The following ARHGAP9 variants were observed in gnomAD, a reference collection of about 807,000 sequenced individuals.
ARHGAP9 encodes the protein Rho GTPase activating protein 9, also known as rho GTPase-activating protein 9.
ARHGAP9 carries 76 observed loss-of-function variants against 87.3 expected under a neutral mutation model. The ratio of observed to expected loss-of-function variants is 0.87; its 90% CI spans 0.72 to 1.05. ARHGAP9 has a LOEUF of 1.05. Ranked by LOEUF, ARHGAP9 falls within the 50% of genes least tolerant of loss-of-function variation. The pLI, the probability that ARHGAP9 is intolerant of heterozygous loss-of-function variation, is 0.00. For missense variants in ARHGAP9, 941 were observed against 960.5 expected, an observed-to-expected ratio of 0.98 and a Z score of 0.27; for synonymous variants, 382 against 394.9, an observed-to-expected ratio of 0.97 and a Z score of 0.39.
chr12:57,488,655 T>C, exon 1 of ARHGAP9: 1 of 1,550,570 alleles, frequency 6.4e-7, no homozygotes, highest in Non-Finnish European at 8.7e-7. Context: ...TCTTAGGAGG[T>C]TCTCTTGTAA....
intron 6 of ARHGAP9, 75 bp from the exon 7 acceptor site, chr12:57,476,726 TC>T: frequency 6.3e-7 from 1 of 1,591,214 alleles, no homozygotes; most frequent in Non-Finnish European, 8.6e-7. Context: ...CTAGGGGGTC[TC>T]CCAGGAGTGA....
At chr12:57,482,780 G>A (rs1294700589), upstream of ARHGAP9, among the ~76,000 whole-genome samples, 1 of 152,006 alleles carries the variant, frequency 6.6e-6, no homozygotes, top group East Asian at 1.9e-4. Flanking sequence ...GGAACTATGT[G>A]CTAGGCATTG....
chr12:57,480,641 G>T, upstream of ARHGAP9: 1 of 813,526 alleles, frequency 1.2e-6, no homozygotes, highest in Non-Finnish European at 2.0e-6. Context: ...ATTGAATCAG[G>T]AACAATGGAC....
At chr12:57,480,494 T>C (rs1874902827), upstream of ARHGAP9, among the ~76,000 whole-genome samples, 1 of 152,136 alleles carries the variant, frequency 6.6e-6, no homozygotes, top group Admixed American at 6.6e-5. Context: ...ATTTATGCTT[T>C]TATCAAGGAT....
Position 57,477,069 on chromosome 12 carries a change from G to A in ARHGAP9, c.870+87C>T, listed in dbSNP as rs770510266. The stretch of plus-strand genomic sequence containing the variant: ...ACGGGTGAGAGGTGGGGGGTGTGGT[G>A]GGGAATGGAGAATGTCTTACACAAA... On this transcript the variant is annotated intron_variant, in intron 5 of 17. Coordinates refer to ENST00000393791, the MANE Select transcript of ARHGAP9 (RefSeq NM_032496.4). 1.2e-5 allele frequency: 19 copies of A among 1,523,354 alleles called. 1 individual carries two copies. Among genetic ancestry groups the A allele is most frequent in the Admixed American group, 1.7e-5 (1 of 58,862 alleles). The allele number at this position is 1,523,354 out of a possible 1,614,324, so 94.4% of individuals were successfully genotyped here.
intron 3 of ARHGAP9, 74 bp downstream of exon 3, chr12:57,478,466 G>C: frequency 1.4e-6 from 2 of 1,428,444 alleles, no homozygotes; most frequent in South Asian, 1.2e-5. Context: ...ATCCCCAGGG[G>C]AGTCCCCTGA....
upstream of ARHGAP9, chr12:57,484,101 C>T (rs1412312184): frequency 4.7e-6 from 1 of 214,276 alleles, no homozygotes; most frequent in Non-Finnish European, 9.7e-6. Context: ...ACCTGTAATC[C>T]CAGCGCTTTG....
chr12:57,484,939 C>A (rs1875286996), intron 1 of ARHGAP9, among the ~76,000 whole-genome samples: 2 of 151,330 alleles, frequency 1.3e-5, no homozygotes, highest in South Asian at 4.2e-4. Flanking sequence ...AGCCACTGCG[C>A]CCAGCGTATT....
In ARHGAP9 at chr12:57,476,137, G is replaced by A; in HGVS notation, c.1146C>T (p.Ser382=). The change falls in exon 9 of 18, where the codon AGC becomes AGT. Residue 382 remains serine (S), a synonymous_variant. Transcript: ENST00000393791. The stretch of plus-strand genomic sequence containing the variant: ...CCAGGGCCGCCCCGCGCAGGTCCAC[G>A]CTACTTTCGGGCCGGCTACCCGCTG... ...WGPAGSRPES[S]VDLRGAALAH... 2 of 1,543,116 alleles carry A rather than the reference G, an allele frequency of 1.3e-6. No homozygotes were observed. The highest frequency in any genetic ancestry group is 1.2e-5 in the South Asian group (1 of 83,584).
At position 57,475,345 on chromosome 12, in the gene ARHGAP9, G is replaced by A. The variant is rs1465153855; in HGVS notation, c.1498C>T (p.Leu500Phe). Residue 500 changes from leucine (L) to phenylalanine (F), a missense_variant, in exon 12 of 18, where the codon CTC (leucine) becomes TTC (phenylalanine). Transcript: ENST00000393791. Reference sequence around the variant, plus strand: ...TGTAAGGGCGGTCTCTTCGCGATGAGCCGCTTTAGTTTGTTGCGCACGCGG... The same window carrying A: ...TGTAAGGGCGGTCTCTTCGCGATGAACCGCTTTAGTTTGTTGCGCACGCGG... ...QNRVRNKLKR[L>F]IAKRPPLQSL... 1.2e-6 allele frequency: 2 copies of A among 1,603,594 alleles called. No homozygotes were observed. Among genetic ancestry groups the A allele is most frequent in the Admixed American group, 1.7e-5 (1 of 58,658 alleles).
rs509941 is a variant in ARHGAP9, at chr12:57,476,594, G to C, written c.1021C>G (p.Leu341Val). Residue 341 changes from leucine (L) to valine (V), a missense_variant, in exon 7 of 18, where the codon CTC becomes GTC. By Grantham distance (32) the Leu-to-Val change is conservative. Transcript: ENST00000393791. ...MTKIAQGGRK[L>V]RKNWGPSWVV... is the part of the protein sequence containing the mutation. ...AGCTGTATTCTGGGTTCTCACCTGA[G>C]CTTGCGCCCCCCTTGGGCAATCTTG... The C allele has an allele frequency of 2.5e-6, 4 of 1,614,094 alleles. No individual in the cohort carries two copies. In the African/African-American group the frequency reaches 4.0e-5, roughly 16 times the overall value.
upstream of ARHGAP9, chr12:57,483,776 A>T (rs938986523): frequency 2.7e-6 from 1 of 371,704 alleles, no homozygotes; most frequent in African/African-American, 2.1e-5. Flanking sequence ...GTGATGGCTC[A>T]CACCTGTAAA....
intron 12 of ARHGAP9, 80 bp from the exon 13 acceptor site, chr12:57,475,053 A>T: frequency 6.9e-7 from 1 of 1,449,062 alleles, no homozygotes; most frequent in African/African-American, 1.4e-5. Flanking sequence ...TTTATCCTTA[A>T]GTGAGGCTGG....
At chr12:57,474,783 G>A (rs1286791892) in intron 13 of ARHGAP9, 80 bp from the exon 14 acceptor site, 1 of 1,605,736 alleles carries the variant, frequency 6.2e-7, no homozygotes, top group East Asian at 2.2e-5. Flanking sequence ...GAGAGAAAAA[G>A]GGCAGTAGGA....
Position 57,477,214 on chromosome 12 carries a change from T to G in ARHGAP9, c.812A>C (p.Gln271Pro). The G allele has an allele frequency of 1.2e-6, 2 of 1,606,776 alleles. No homozygotes were observed. Among genetic ancestry groups the G allele is most frequent in the East Asian group, 2.2e-5 (1 of 44,830 alleles). Residue 271 changes from glutamine (Q) to proline (P), a missense_variant, in exon 5 of 18, where the codon CAA (glutamine) becomes CCA (proline). Coordinates refer to ENST00000393791, the MANE Select transcript of ARHGAP9 (RefSeq NM_032496.4). ...AGATCTGAAGCCCTTTGCCTGAGGT[T>G]GCAGGACATCATTGTTCCTCTTCAG... ...QTLKRNNDVLQPQAKGFRSDT... is the reference protein window; with the variant it reads ...QTLKRNNDVLPPQAKGFRSDT...
chr12:57,479,936 C>G (rs1565630505), upstream of ARHGAP9: 11 of 1,425,648 alleles, frequency 7.7e-6, no homozygotes, highest in Non-Finnish European at 9.2e-6. Flanking sequence ...CCAGTCACCT[C>G]AGACCATAGC....
intron 2 of ARHGAP9, 42 bp from the exon 3 acceptor site, chr12:57,478,799 G>A (rs1874605608): frequency 1.3e-6 from 2 of 1,549,066 alleles, no homozygotes; most frequent in South Asian, 1.2e-5. Context: ...GGTGATCAGA[G>A]GTGTTGTTGT....
At chr12:57,488,025 C>A in intron 1 of ARHGAP9, 1 of 1,400,398 alleles carries the variant, frequency 7.1e-7, no homozygotes. Context: ...GCGTGCCTCG[C>A]GGAGGCCGCT....
intron 1 of ARHGAP9, chr12:57,488,060 C>T: frequency 2.5e-6 from 4 of 1,592,516 alleles, no homozygotes; most frequent in Non-Finnish European, 3.4e-6. Flanking sequence ...GAGGCCGGTT[C>T]CGGTTGCATC....
Sources: gnomAD v4.1 joint callset for allele counts (sites outside exome capture counted in the v4.1 genomes callset) on GRCh38, gnomAD v4.1.1 for gene constraint, MANE v1.5 for transcripts, NCBI Gene and HGNC (gene_info 2026-07-23, HGNC 2026-07-21) for gene names.